The following ADAM32 variants were observed in gnomAD, a reference collection of about 807,000 sequenced individuals.
ADAM32 encodes disintegrin and metalloproteinase domain-containing protein 32.
ADAM32 carries 89 observed loss-of-function variants against 114.9 expected under a neutral mutation model. The observed-to-expected ratio is 0.77, with a 90% confidence interval of 0.65 to 0.92. The LOEUF (loss-of-function observed/expected upper bound fraction) is 0.92. ADAM32 is among the 40% of genes least tolerant of loss of function. ADAM32 has a pLI of 0.00. For missense variants in ADAM32, 870 were observed against 932.8 expected, an observed-to-expected ratio of 0.93 and a Z score of 0.88; for synonymous variants, 285 against 307.5, an observed-to-expected ratio of 0.93 and a Z score of 0.77.
At chr8:39,186,783 A>C in intron 10 of ADAM32, 126 bp from the exon 11 acceptor site, 1 of 783,124 alleles carries the variant, frequency 1.3e-6, no homozygotes, top group Non-Finnish European at 1.9e-6. Context: ...TCACCTGTTC[A>C]AGGATCCATA....
rs962881438 is a variant in ADAM32 at position 39,140,339 on chromosome 8, G to C, written c.200+3621G>C. On this transcript the variant is annotated intron_variant, in intron 3 of 24. Coordinates refer to ENST00000379907, the MANE Select transcript of ADAM32 (RefSeq NM_145004.7). ...TTTGAGATACATTCCATCAATACCT[G>C]GTTTATTGAGAGTTTTTAGCATGAA... 3.3e-5 allele frequency among the ~76,000 whole-genome samples: 5 copies of C among 151,968 alleles called. No homozygotes were observed. The East Asian group carries it at 7.7e-4, about 23-fold the overall frequency.
At chr8:39,124,604 G>A (rs1802004713) in intron 2 of ADAM32, among the ~76,000 whole-genome samples, 1 of 151,888 alleles carries the variant, frequency 6.6e-6, no homozygotes, top group Admixed American at 6.6e-5. Context: ...TTTTAGTAAA[G>A]ACGGGGTTTC....
At chr8:39,217,387 G>GTACAAA (rs1808652106) in intron 12 of ADAM32, among the ~76,000 whole-genome samples, 2 of 151,800 alleles carry the variant, frequency 1.3e-5, no homozygotes, top group African/African-American at 2.4e-5. Context: ...TCTTGTACTT[G>GTACAAA]GATATTGATA....
chr8:39,197,220 A>C (rs1228428036), intron 11 of ADAM32, among the ~76,000 whole-genome samples: 1 of 150,570 alleles, frequency 6.6e-6, no homozygotes, highest in African/African-American at 2.4e-5. Context: ...TTGGGTCTTT[A>C]CTCATTTTTT....
At chr8:39,266,291 G>A (rs2129451113) in intron 19 of ADAM32, among the ~76,000 whole-genome samples, 1 of 152,242 alleles carries the variant, frequency 6.6e-6, no homozygotes, top group South Asian at 2.1e-4. Flanking sequence ...ATCTGTTTCA[G>A]GAATGCCAGC....
Position 39,232,051 on chromosome 8 carries a change from G to T in ADAM32, c.1550G>T (p.Cys517Phe), listed in dbSNP as rs760500167. The T allele has an allele frequency of 6.2e-7, 1 of 1,611,918 alleles. No individual in the cohort carries two copies. Among genetic ancestry groups the T allele is most frequent in the South Asian group, 1.1e-5 (1 of 90,714 alleles). Reference sequence around the variant, plus strand: ...GGTTCAAGAAATGCTCCATTTGCCTGCTATGAAGAAATACAATCTCAATCA... The same window carrying T: ...GGTTCAAGAAATGCTCCATTTGCCTTCTATGAAGAAATACAATCTCAATCA... ...GKGSRNAPFA[C>F]YEEIQSQSDR... is the part of the protein sequence containing the mutation. Residue 517 changes from cysteine (C) to phenylalanine (F), a missense_variant, in exon 15 of 25, where the codon TGC becomes TTC. Transcript: ENST00000379907.
rs1839987115 is a variant in ADAM32 at position 39,107,802 on chromosome 8, C to CG, written c.30dup (p.Leu11AlafsTer30). 6.5e-7 allele frequency: 1 copy of CG among 1,549,508 alleles called. No homozygotes were observed. The highest frequency in any genetic ancestry group is 2.0e-5 in the Admixed American group (1 of 50,882). ...TGTTCCGCCTCTGGTTGCTGCTGGCCGGGCTCTGCGGCCTCCTGGCGTCAA... is the reference window on the plus strand; with the variant it reads ...TGTTCCGCCTCTGGTTGCTGCTGGCCGGGGCTCTGCGGCCTCCTGGCGTCAA... On this transcript the variant is annotated frameshift_variant, in exon 1 of 25. Transcript: ENST00000379907. LOFTEE classifies it high-confidence loss of function.
intron 18 of ADAM32, 37 bp downstream of exon 18, chr8:39,254,553 A>G: frequency 7.0e-7 from 1 of 1,436,446 alleles, no homozygotes; most frequent in Non-Finnish European, 9.4e-7. Flanking sequence ...ATTTAATAAA[A>G]TTCTCAAATT....
intron 13 of ADAM32, among the ~76,000 whole-genome samples, chr8:39,222,630 A>G (rs1809053349): frequency 6.6e-6 from 1 of 152,046 alleles, no homozygotes; most frequent in South Asian, 2.1e-4. Flanking sequence ...TTTATGTTTC[A>G]CAGTTGTCAT....
intron 22 of ADAM32, 130 bp downstream of exon 22, chr8:39,275,996 T>A: frequency 1.4e-6 from 1 of 717,270 alleles, no homozygotes; most frequent in Non-Finnish European, 2.1e-6. Context: ...TACTGTACCT[T>A]AAAACAACCT....
At chr8:39,245,976 G>A (rs1810890668) in intron 16 of ADAM32, 107 bp from the exon 17 acceptor site, 7 of 883,222 alleles carry the variant, frequency 7.9e-6, no homozygotes, top group Non-Finnish European at 1.8e-6. Flanking sequence ...AGGAAAATTT[G>A]TATCATTGAA....
At chr8:39,127,111 G>T (rs1455327008) in intron 2 of ADAM32, among the ~76,000 whole-genome samples, 1 of 152,136 alleles carries the variant, frequency 6.6e-6, no homozygotes, top group Non-Finnish European at 1.5e-5. Flanking sequence ...TTTCATCAGG[G>T]ATATTGGCCT....
chr8:39,224,978 G>A (rs1809253218), intron 14 of ADAM32, among the ~76,000 whole-genome samples: 1 of 152,182 alleles, frequency 6.6e-6, no homozygotes, highest in African/African-American at 2.4e-5. Context: ...TAGCCACTCA[G>A]CATGTGCCAT....
chr8:39,157,144 G>A (rs2129445809), intron 6 of ADAM32, among the ~76,000 whole-genome samples: 1 of 152,220 alleles, frequency 6.6e-6, no homozygotes, highest in South Asian at 2.1e-4. Flanking sequence ...TTTCTAATAA[G>A]AAATTAGATA....
At chr8:39,123,639 A>G (rs776194846) in intron 2 of ADAM32, among the ~76,000 whole-genome samples, 12 of 151,570 alleles carry the variant, frequency 7.9e-5, no homozygotes, top group Non-Finnish European at 1.2e-4. Flanking sequence ...ATCTATGAAC[A>G]TGTATGATAC....
At chr8:39,275,547 A>G (rs1813020674) in intron 21 of ADAM32, among the ~76,000 whole-genome samples, 1 of 152,216 alleles carries the variant, frequency 6.6e-6, no homozygotes, top group Non-Finnish European at 1.5e-5. Flanking sequence ...TAAAGCATGT[A>G]TTCTGTGCTA....
intron 1 of ADAM32, among the ~76,000 whole-genome samples, chr8:39,111,712 CTCTT>C (rs753091236): frequency 2.1e-5 from 2 of 95,780 alleles, no homozygotes. Context: ...CAGAGCAAGA[CTCTT>C]TCTCAAAAAA....
intron 14 of ADAM32, among the ~76,000 whole-genome samples, chr8:39,224,985 C>T (rs887094222): frequency 1.8e-4 from 28 of 152,164 alleles, no homozygotes; most frequent in Non-Finnish European, 7.4e-5. Flanking sequence ...TCAGCATGTG[C>T]CATTGTCATC....
intron 1 of ADAM32, among the ~76,000 whole-genome samples, chr8:39,111,779 T>A (rs1840172719): frequency 6.9e-6 from 1 of 144,794 alleles, no homozygotes; most frequent in Admixed American, 6.8e-5. Flanking sequence ...AAAGCTGACA[T>A]CCGATGGAGT....
Sources: gnomAD v4.1 joint callset for allele counts (sites outside exome capture counted in the v4.1 genomes callset) on GRCh38, gnomAD v4.1.1 for gene constraint, MANE v1.5 for transcripts, NCBI Gene and HGNC (gene_info 2026-07-23, HGNC 2026-07-21) for gene names.